The following SLC27A6 variants were observed in gnomAD, a reference collection of about 807,000 sequenced individuals.
SLC27A6 encodes solute carrier family 27 member 6.
SLC27A6 carries 74 observed loss-of-function variants against 63.9 expected under a neutral mutation model. The ratio of observed to expected loss-of-function variants is 1.16; its 90% CI spans 0.96 to 1.40. The LOEUF (loss-of-function observed/expected upper bound fraction) is 1.40, where lower values mean the gene tolerates loss of function less well. Ranked by LOEUF, SLC27A6 falls within the 40% of genes most tolerant of loss-of-function variation. SLC27A6 has a pLI of 0.00. For synonymous variants in SLC27A6, 287 were observed against 260.8 expected (o/e 1.10, Z -0.97); for missense variants, 794 against 732.9 (o/e 1.08, Z -0.96).
At chr5:128,996,900 G>T (rs1014221006) in intron 4 of SLC27A6, among the ~76,000 whole-genome samples, 3 of 152,072 alleles carry the variant, frequency 2.0e-5, no homozygotes, top group Middle Eastern at 3.2e-3. Flanking sequence ...TTTTGAATGG[G>T]ACCAAAGACG....
intron 6 of SLC27A6, among the ~76,000 whole-genome samples, chr5:129,025,105 A>G (rs936256748): frequency 6.6e-6 from 1 of 152,188 alleles, no homozygotes; most frequent in African/African-American, 2.4e-5. Flanking sequence ...AACTGTGCTT[A>G]TGTAACCTCA....
At position 128,988,778 on chromosome 5, in the gene SLC27A6, T is replaced by C. The variant is rs762777335; in HGVS notation, c.844+20T>C. The C allele has an allele frequency of 5.8e-5, 91 of 1,580,730 alleles. No individual in the cohort carries two copies. The highest frequency in any genetic ancestry group is 2.7e-5 in the Non-Finnish European group (31 of 1,164,278). ...AGTTGGGTAAGGCTTTATTTTCTTT[T>C]TGATAAGTTTTCAAAATGTCTAATA... On this transcript the variant is annotated intron_variant, in intron 3 of 9. Coordinates refer to ENST00000262462, the MANE Select transcript of SLC27A6 (RefSeq NM_001017372.3).
chr5:128,983,463 T>C (rs186407755), intron 1 of SLC27A6, among the ~76,000 whole-genome samples: 25 of 152,102 alleles, frequency 1.6e-4, no homozygotes, highest in African/African-American at 5.8e-4. Flanking sequence ...TGGCTATTTT[T>C]TTTGTATTCT....
At chr5:128,972,216 T>C (rs1330161052) in intron 1 of SLC27A6, among the ~76,000 whole-genome samples, 4 of 152,186 alleles carry the variant, frequency 2.6e-5, no homozygotes, top group African/African-American at 9.7e-5. Flanking sequence ...ATTTCAACTT[T>C]GGTGAATCTG....
chr5:128,974,305 A>G (rs1236194056), intron 1 of SLC27A6, among the ~76,000 whole-genome samples: 9 of 152,218 alleles, frequency 5.9e-5, no homozygotes, highest in Non-Finnish European at 1.2e-4. Context: ...TTGTATTTAA[A>G]AAAGCCACTT....
At chr5:129,018,122 C>T (rs1181969) in intron 5 of SLC27A6, among the ~76,000 whole-genome samples, 5 of 152,054 alleles carry the variant, frequency 3.3e-5, no homozygotes, top group African/African-American at 4.8e-5. Context: ...TATAGCATTG[C>T]TTTTGACATT....
chr5:128,999,908 G>A (rs1751278055), intron 4 of SLC27A6, among the ~76,000 whole-genome samples: 1 of 152,180 alleles, frequency 6.6e-6, no homozygotes, highest in Non-Finnish European at 1.5e-5. Context: ...ACTACTGACA[G>A]ACCCTTCTGA....
Position 128,988,644 on chromosome 5 carries a change from G to T in SLC27A6, c.730G>T (p.Gly244Cys), listed in dbSNP as rs762163187. 1.9e-6 allele frequency: 3 copies of T among 1,613,880 alleles called. No homozygotes were observed. The highest frequency in any genetic ancestry group is 2.5e-6 in the Non-Finnish European group (3 of 1,179,960). ...GATTAGTCAGCTGCAGGTTTTAAGG[G>T]GTTCTGCTGTCCTGTGGGCTTTTGG... ...AVISQLQVLRGSAVLWAFGCT... is the reference protein window; with the variant it reads ...AVISQLQVLRCSAVLWAFGCT... Residue 244 changes from glycine (G) to cysteine (C), a missense_variant, in exon 3 of 10, where the codon GGT (glycine) becomes TGT (cysteine). Transcript: ENST00000262462.
Position 128,966,126 on chromosome 5 carries a change from C to G in SLC27A6, c.-12C>G. ...GCTGAGATCAGAGCTGTCTTCTGGC[C>G]CAGTTGCCCCCATGCTTCTGTCATG... On this transcript the variant is annotated 5_prime_UTR_variant, in exon 1 of 10. Transcript: ENST00000262462. 6.5e-7 allele frequency: 1 copy of G among 1,533,356 alleles called. No homozygotes were observed. Among genetic ancestry groups the G allele is most frequent in the Non-Finnish European group, 8.7e-7 (1 of 1,144,830 alleles). 95.0% of individuals were successfully genotyped at this position (1,533,356 alleles called of 1,614,324 possible). A position where few individuals can be genotyped will look rare whatever the true frequency, so the allele number is the denominator to read the frequency against.
At chr5:129,006,446 AGTGT>A (rs72056782) in intron 4 of SLC27A6, among the ~76,000 whole-genome samples, 64,553 of 143,986 alleles carry the variant, frequency 0.45, 14,586 homozygotes, top group Middle Eastern at 0.58. Flanking sequence ...TATATGCATG[AGTGT>A]GTGTGTGTGT....
chr5:129,021,582 G>C (rs1200904508), intron 5 of SLC27A6, among the ~76,000 whole-genome samples: 1 of 152,176 alleles, frequency 6.6e-6, no homozygotes, highest in Non-Finnish European at 1.5e-5. Flanking sequence ...ACCCCCTGCA[G>C]CTGTGCTCCA....
At chr5:128,966,811 A>G (rs1374476365) in intron 1 of SLC27A6, among the ~76,000 whole-genome samples, 193 bp downstream of exon 1, 2 of 152,182 alleles carry the variant, frequency 1.3e-5, no homozygotes, top group Non-Finnish European at 2.9e-5. Flanking sequence ...TAGTTTCAGA[A>G]AACTTTTATG....
At chr5:128,972,399 C>G (rs1750206443) in intron 1 of SLC27A6, among the ~76,000 whole-genome samples, 1 of 152,188 alleles carries the variant, frequency 6.6e-6, no homozygotes, top group Non-Finnish European at 1.5e-5. Context: ...TCATGTACAC[C>G]AATCAAACGT....
intron 1 of SLC27A6, among the ~76,000 whole-genome samples, chr5:128,966,913 C>T (rs1371920810): frequency 1.3e-5 from 2 of 152,180 alleles, no homozygotes; most frequent in African/African-American, 4.8e-5. Flanking sequence ...AACTTGGTCA[C>T]TTCTAAATTT....
intron 1 of SLC27A6, among the ~76,000 whole-genome samples, chr5:128,970,016 G>A (rs1399117264): frequency 1.3e-5 from 2 of 152,202 alleles, no homozygotes; most frequent in Non-Finnish European, 1.5e-5. Context: ...CATCTATTGA[G>A]ATAATCATGT....
chr5:129,002,519 TCC>T, intron 4 of SLC27A6, among the ~76,000 whole-genome samples: 1 of 148,936 alleles, frequency 6.7e-6, no homozygotes, highest in African/African-American at 2.5e-5. Context: ...CCTGGTTCCC[TCC>T]CTCTCTCCCA....
chr5:128,993,995 C>A (rs536978926), intron 4 of SLC27A6, among the ~76,000 whole-genome samples: 3 of 151,930 alleles, frequency 2.0e-5, no homozygotes, highest in African/African-American at 7.2e-5. Flanking sequence ...CATGGGGAAA[C>A]GATCTGTACT....
intron 1 of SLC27A6, among the ~76,000 whole-genome samples, chr5:128,982,726 C>A (rs770445719): frequency 2.0e-5 from 3 of 152,200 alleles, no homozygotes; most frequent in Admixed American, 6.5e-5. Flanking sequence ...CTCCTCCTAT[C>A]ATCCTTGGTG....
chr5:129,024,586 C>G (rs1014830787), intron 6 of SLC27A6, among the ~76,000 whole-genome samples: 2 of 152,078 alleles, frequency 1.3e-5, no homozygotes, highest in African/African-American at 4.8e-5. Context: ...TCACTCCCCT[C>G]CCTTCTCTAC....
Sources: allele counts gnomAD v4.1 joint callset (sites outside exome capture counted in the v4.1 genomes callset), GRCh38; gene constraint gnomAD v4.1.1; transcripts MANE v1.5; gene names NCBI Gene and HGNC (gene_info 2026-07-23, HGNC 2026-07-21).